The following NUP210L variants were observed in gnomAD, a reference collection of about 807,000 sequenced individuals.
NUP210L encodes the protein nuclear pore membrane glycoprotein 210-like.
Under a neutral mutation model 208.5 loss-of-function variants are expected in NUP210L, and 74 were observed. The ratio of observed to expected loss-of-function variants is 0.35; its 90% CI spans 0.29 to 0.43. The LOEUF (loss-of-function observed/expected upper bound fraction) is 0.43. Among genes scored for constraint, NUP210L ranks in the 20% least tolerant of loss-of-function variants. The pLI is 1.00. For synonymous variants in NUP210L, 780 were observed against 816.9 expected (o/e 0.95, Z 0.77); for missense variants, 1,843 against 2,289.4 (o/e 0.81, Z 3.98).
intron 7 of NUP210L, among the ~76,000 whole-genome samples, chr1:154,131,286 G>C (rs1326869255): frequency 3.2e-4 from 44 of 139,506 alleles, no homozygotes; most frequent in African/African-American, 1.1e-3. Flanking sequence ...AAAAAAAAAA[G>C]AAAAGAAAAG....
chr1:154,140,374 A>C (rs890122211), intron 4 of NUP210L, among the ~76,000 whole-genome samples: 86 of 148,534 alleles, frequency 5.8e-4, no homozygotes, highest in Non-Finnish European at 1.0e-3. Context: ...AAAGAAAAAG[A>C]AAAAGATAAA....
chr1:154,050,513 T>C (rs1653430265), intron 25 of NUP210L, among the ~76,000 whole-genome samples: 1 of 144,220 alleles, frequency 6.9e-6, no homozygotes, highest in Non-Finnish European at 1.5e-5. Flanking sequence ...AGAATGTTTT[T>C]TTCTTCCACA....
At chr1:154,099,378 C>A (rs1656344408) in intron 14 of NUP210L, among the ~76,000 whole-genome samples, 1 of 152,126 alleles carries the variant, frequency 6.6e-6, no homozygotes, top group African/African-American at 2.4e-5. Context: ...TTCCAAACGG[C>A]TCCACGGAGT....
exon 23 of NUP210L, chr1:154,056,947 T>C: frequency 1.2e-6 from 2 of 1,608,510 alleles, no homozygotes; most frequent in Non-Finnish European, 1.7e-6. Context: ...GCTCCATTGG[T>C]CTGCAAAAAC....
chr1:154,051,358 C>T lies in NUP210L; in HGVS notation c.3483+2870G>A, dbSNP rs188847526. ...CCAAGTAGCTGGGACTACAGGCACC[C>T]GCTACCACACCCAGCTAATTTTTTT... On this transcript the variant is annotated intron_variant, in intron 25 of 39. Coordinates refer to ENST00000368559, the Ensembl canonical transcript of NUP210L. 1.5e-3 allele frequency among the ~76,000 whole-genome samples: 223 copies of T among 152,098 alleles called. 1 individual carries two copies. The highest frequency in any genetic ancestry group is 5.2e-3 in the African/African-American group (214 of 41,512).
chr1:154,118,932 T>C (rs1657471388), intron 10 of NUP210L, 124 bp from the exon 11 acceptor site: 2 of 477,722 alleles, frequency 4.2e-6, no homozygotes, highest in East Asian at 6.3e-5. Context: ...TTTCTATCTA[T>C]AAAAGAAATA....
At chr1:154,027,371 TG>T in intron 29 of NUP210L, 134 bp downstream of exon 29, 1 of 617,356 alleles carries the variant, frequency 1.6e-6, no homozygotes. Context: ...TTTTACATTA[TG>T]GGAATTTCAC....
At chr1:154,113,972 G>A (rs1005787594) in intron 12 of NUP210L, among the ~76,000 whole-genome samples, 8 of 150,902 alleles carry the variant, frequency 5.3e-5, no homozygotes, top group East Asian at 1.9e-4. Flanking sequence ...GTGAAACCCC[G>A]TCTCTACTAA....
chr1:154,133,849 A>G (rs1028365717), intron 7 of NUP210L, among the ~76,000 whole-genome samples: 3 of 151,964 alleles, frequency 2.0e-5, no homozygotes, highest in African/African-American at 7.3e-5. Context: ...CCCTGTCTCT[A>G]CAAAAATAAT....
intron 15 of NUP210L, among the ~76,000 whole-genome samples, chr1:154,093,569 G>A (rs905243533): frequency 5.3e-5 from 8 of 152,196 alleles, no homozygotes; most frequent in Admixed American, 3.9e-4. Context: ...AGTGAGCTAC[G>A]ATCGTTCCAC....
chr1:154,036,872 C>T (rs373679500), intron 27 of NUP210L, among the ~76,000 whole-genome samples: 178 of 152,110 alleles, frequency 1.2e-3, no homozygotes, highest in Non-Finnish European at 1.5e-3. Context: ...AAGCCATCCT[C>T]CCACCTCAGC....
chr1:154,022,006 ATTATGGGTATAAACCACTATACC>A, intron 32 of NUP210L, 97 bp downstream of exon 32: 1 of 907,262 alleles, frequency 1.1e-6, no homozygotes, highest in Non-Finnish European at 1.7e-6. Context: ...AAGGGCTGAG[ATTATGGGTATAAACCACTATACC>A]AGTCCAAGGG....
intron 17 of NUP210L, among the ~76,000 whole-genome samples, chr1:154,064,236 G>C (rs1238257318): frequency 1.3e-5 from 2 of 151,774 alleles, no homozygotes; most frequent in Admixed American, 1.3e-4. Flanking sequence ...AATCATGCCT[G>C]CTGGTATCCA....
intron 13 of NUP210L, 127 bp downstream of exon 13, chr1:154,103,885 T>C (rs757689493): frequency 1.5e-6 from 1 of 682,250 alleles, no homozygotes; most frequent in Non-Finnish European, 2.4e-6. Flanking sequence ...GAACTTAGAC[T>C]ATAATTGGTA....
chr1:154,104,976 T>TAGAGG (rs774883425), intron 12 of NUP210L, among the ~76,000 whole-genome samples: 72 of 152,112 alleles, frequency 4.7e-4, no homozygotes, highest in East Asian at 7.7e-4. Context: ...TTCTTCCTAC[T>TAGAGG]AGAGGAGAGG....
At chr1:154,140,800 G>A (rs1261419014) in intron 4 of NUP210L, among the ~76,000 whole-genome samples, 2 of 150,972 alleles carry the variant, frequency 1.3e-5, no homozygotes, top group Non-Finnish European at 3.0e-5. Flanking sequence ...GGCTAACAGA[G>A]TGAAACCCTG....
At chr1:154,066,387 G>A (rs984629927) in intron 17 of NUP210L, among the ~76,000 whole-genome samples, 4 of 152,186 alleles carry the variant, frequency 2.6e-5, no homozygotes, top group African/African-American at 7.2e-5. Context: ...CGAGGCGGGC[G>A]GATCACCAAG....
At chr1:154,105,164 C>T (rs1656687297) in intron 12 of NUP210L, among the ~76,000 whole-genome samples, 1 of 152,208 alleles carries the variant, frequency 6.6e-6, no homozygotes, top group Non-Finnish European at 1.5e-5. Flanking sequence ...GGACACTGTC[C>T]TGGCAGGATT....
At chr1:154,029,213 C>T (rs12049557) in intron 28 of NUP210L, among the ~76,000 whole-genome samples, 38,875 of 148,208 alleles carry the variant, frequency 0.26, 5,460 homozygotes, top group Admixed American at 0.37. Context: ...CCTGTCTCTA[C>T]TAAAAATACA....
Sources: gnomAD v4.1 joint callset for allele counts (sites outside exome capture counted in the v4.1 genomes callset) on GRCh38, gnomAD v4.1.1 for gene constraint, MANE v1.5 for transcripts, NCBI Gene and HGNC (gene_info 2026-07-23, HGNC 2026-07-21) for gene names.